Variants in CACNA2D2 observed in about 807,000 individuals in gnomAD.
CACNA2D2 encodes the protein voltage-dependent calcium channel subunit alpha-2/delta-2.
Under a neutral mutation model 166.4 loss-of-function variants are expected in CACNA2D2, and 48 were observed. The observed-to-expected ratio is 0.29, with a 90% CI of 0.23 to 0.37. The LOEUF is 0.37. Among genes scored for constraint, CACNA2D2 ranks in the 10% least tolerant of loss-of-function variants. CACNA2D2 has a pLI of 1.00. For synonymous variants in CACNA2D2, 561 were observed against 573.7 expected (o/e 0.98, Z 0.32); for missense variants, 1,122 against 1,433.0 (o/e 0.78, Z 3.50).
intron 4 of CACNA2D2, among the ~76,000 whole-genome samples, chr3:50,389,741 A>C (rs909478703): frequency 1.3e-5 from 2 of 152,166 alleles, no homozygotes; most frequent in African/African-American, 4.8e-5. Flanking sequence ...GGGACATGTC[A>C]CCCAGGAGGA....
intron 2 of CACNA2D2, among the ~76,000 whole-genome samples, chr3:50,472,608 A>C (rs1710144794): frequency 6.6e-6 from 1 of 152,130 alleles, no homozygotes; most frequent in South Asian, 2.1e-4. Flanking sequence ...ATCATGTCTG[A>C]CTATAATCTC....
At chr3:50,492,284 A>G (rs908406111) in intron 1 of CACNA2D2, among the ~76,000 whole-genome samples, 5 of 152,244 alleles carry the variant, frequency 3.3e-5, no homozygotes, top group Admixed American at 2.0e-4. Context: ...CACTCATGCC[A>G]GCACTATCTT....
chr3:50,405,707 G>A (rs1289430572), intron 3 of CACNA2D2, among the ~76,000 whole-genome samples: 1 of 152,068 alleles, frequency 6.6e-6, no homozygotes, highest in South Asian at 2.1e-4. Flanking sequence ...TCAAGGTGAA[G>A]ACAACAAGGT....
intron 2 of CACNA2D2, among the ~76,000 whole-genome samples, chr3:50,452,762 CAA>C (rs1284056474): frequency 6.6e-6 from 1 of 152,224 alleles, no homozygotes; most frequent in African/African-American, 2.4e-5. Flanking sequence ...GACTTTATCA[CAA>C]GAGTCAAAGA....
chr3:50,440,708 C>A (rs1052216205), intron 2 of CACNA2D2, among the ~76,000 whole-genome samples: 7 of 152,144 alleles, frequency 4.6e-5, no homozygotes, highest in African/African-American at 1.2e-4. Flanking sequence ...TATCCTCCCC[C>A]ACCCCCACCT....
At chr3:50,503,878 C>A (rs1036512605), upstream of CACNA2D2, among the ~76,000 whole-genome samples, 1 of 152,078 alleles carries the variant, frequency 6.6e-6, no homozygotes, top group Non-Finnish European at 1.5e-5. Context: ...CCCCCGCCCC[C>A]ACACCTCAGA....
At chr3:50,411,511 C>T (rs539163456) in intron 3 of CACNA2D2, among the ~76,000 whole-genome samples, 3 of 152,332 alleles carry the variant, frequency 2.0e-5, no homozygotes, top group African/African-American at 4.8e-5. Context: ...AAATCTTGTG[C>T]GCCAGCTCCC....
chr3:50,475,225 G>C (rs902333372), intron 2 of CACNA2D2, among the ~76,000 whole-genome samples: 5 of 152,138 alleles, frequency 3.3e-5, no homozygotes, highest in African/African-American at 1.2e-4. Context: ...CTGACCAACA[G>C]GGACAACAGG....
intron 22 of CACNA2D2, chr3:50,372,951 G>C (rs1704737949): frequency 1.3e-6 from 1 of 773,202 alleles, no homozygotes; most frequent in Admixed American, 2.3e-5. Flanking sequence ...GAAGCTGGGA[G>C]GGGGCCCTGG....
At chr3:50,368,277 G>T in intron 23 of CACNA2D2, 42 bp from the exon 24 acceptor site, 1 of 1,273,504 alleles carries the variant, frequency 7.9e-7, no homozygotes. Flanking sequence ...TTGGGGGGCT[G>T]GACAGGGCAA....
chr3:50,454,879 G>A (rs1315582978), intron 2 of CACNA2D2, among the ~76,000 whole-genome samples: 5 of 152,180 alleles, frequency 3.3e-5, no homozygotes, highest in South Asian at 2.1e-4. Flanking sequence ...CCTGCCCTGC[G>A]TGCTGGGAAC....
chr3:50,437,313 T>G (rs1575685168), intron 2 of CACNA2D2, among the ~76,000 whole-genome samples: 1 of 152,164 alleles, frequency 6.6e-6, no homozygotes. Flanking sequence ...AGCTATACTT[T>G]GACTCACGCT....
chr3:50,434,235 C>T (rs1447926413), intron 3 of CACNA2D2, 78 bp downstream of exon 3: 2 of 979,746 alleles, frequency 2.0e-6, no homozygotes, highest in Non-Finnish European at 3.2e-6. Context: ...AGGCTCAGGA[C>T]ACTGCCCTCA....
At chr3:50,370,849 T>C (rs925458374) in intron 22 of CACNA2D2, among the ~76,000 whole-genome samples, 4 of 152,230 alleles carry the variant, frequency 2.6e-5, no homozygotes, top group East Asian at 1.9e-4. Flanking sequence ...AGGAAGGGAA[T>C]TGGCTTTTGG....
intron 1 of CACNA2D2, among the ~76,000 whole-genome samples, chr3:50,491,831 AG>A (rs2107160243): frequency 6.6e-6 from 1 of 152,268 alleles, no homozygotes; most frequent in Admixed American, 6.5e-5. Flanking sequence ...CACTGGCCAG[AG>A]GGGTACCCAA....
At chr3:50,497,505 G>C (rs191670849) in intron 1 of CACNA2D2, among the ~76,000 whole-genome samples, 1 of 152,206 alleles carries the variant, frequency 6.6e-6, no homozygotes, top group Non-Finnish European at 1.5e-5. Context: ...GACCCAGCAG[G>C]TCCAGACCAG....
At chr3:50,419,896 G>A (rs1232568825) in intron 3 of CACNA2D2, 1 of 152,282 alleles carries the variant, frequency 6.6e-6, no homozygotes, top group Non-Finnish European at 1.5e-5. Flanking sequence ...GGGTGCTGTA[G>A]GCTTTAGGGG....
At chr3:50,401,259 A>ATT (rs941821427) in intron 3 of CACNA2D2, among the ~76,000 whole-genome samples, 6 of 150,724 alleles carry the variant, frequency 4.0e-5, no homozygotes, top group African/African-American at 1.5e-4. Context: ...AGTAAAATGG[A>ATT]TTTTTTTTTT....
At chr3:50,370,234 A>C (rs1575590236) in intron 23 of CACNA2D2, 86 bp downstream of exon 23, 10 of 907,660 alleles carry the variant, frequency 1.1e-5, no homozygotes, top group Admixed American at 8.0e-5. Flanking sequence ...ACACAGACAC[A>C]CAGAGCTCCA....
Sources: gnomAD v4.1 joint callset for allele counts (sites outside exome capture counted in the v4.1 genomes callset) on GRCh38, gnomAD v4.1.1 for gene constraint, MANE v1.5 for transcripts, NCBI Gene and HGNC (gene_info 2026-07-23, HGNC 2026-07-21) for gene names.